SERPINB7: variants seen among roughly 807,000 people sequenced by gnomAD.
SERPINB7 encodes the protein serpin family B member 7.
Under a neutral mutation model 37.4 loss-of-function variants are expected in SERPINB7, and 31 were observed. The observed-to-expected ratio is 0.83, with a 90% CI of 0.62 to 1.12. The LOEUF (loss-of-function observed/expected upper bound fraction) is 1.12, where lower values mean the gene tolerates loss of function less well. Among genes scored for constraint, SERPINB7 ranks in the 50% most tolerant of loss-of-function variants. The pLI is 0.00. For synonymous variants in SERPINB7, 163 were observed against 166.1 expected (o/e 0.98, Z 0.14); for missense variants, 521 against 455.3 (o/e 1.14, Z -1.31).
intron 1 of SERPINB7, among the ~76,000 whole-genome samples, chr18:63,776,959 C>T (rs557735949): frequency 1.3e-5 from 2 of 152,114 alleles, no homozygotes; most frequent in African/African-American, 4.8e-5. Context: ...ATAGCATATT[C>T]ACCTTAGAGA....
intron 1 of SERPINB7, among the ~76,000 whole-genome samples, chr18:63,757,275 T>C (rs2049127700): frequency 6.6e-6 from 1 of 152,160 alleles, no homozygotes; most frequent in South Asian, 2.1e-4. Flanking sequence ...TCCTCTCTCA[T>C]CCATTATAAC....
chr18:63,797,835 C>T (rs545696449), intron 5 of SERPINB7, among the ~76,000 whole-genome samples: 1 of 152,298 alleles, frequency 6.6e-6, no homozygotes, highest in African/African-American at 2.4e-5. Context: ...CCCTTGCTTC[C>T]AATCTTGCCA....
chr18:63,754,625 C>T lies in SERPINB7; in HGVS notation c.-19+1505C>T, dbSNP rs376592480. Among the ~76,000 whole-genome samples the T allele has an allele frequency of 3.3e-4, 50 of 152,264 alleles. 1 individual carries two copies. The South Asian group carries it at 0.01, about 32-fold the overall frequency. On this transcript the variant is annotated intron_variant, in intron 1 of 7. Coordinates refer to the SERPINB7 transcript ENST00000336429. ...CAGGACACGCAGGTATCAGTCCCTC[C>T]CTTGGAGCCCCACCCTCCACCCAGC...
At chr18:63,759,925 C>A (rs557601656) in intron 1 of SERPINB7, among the ~76,000 whole-genome samples, 1 of 152,134 alleles carries the variant, frequency 6.6e-6, no homozygotes, top group Admixed American at 6.5e-5. Flanking sequence ...TCTTCCCAGT[C>A]TCAGGTATGT....
intron 1 of SERPINB7, among the ~76,000 whole-genome samples, chr18:63,780,445 C>T (rs2049290356): frequency 6.6e-6 from 1 of 152,056 alleles, no homozygotes; most frequent in South Asian, 2.1e-4. Context: ...CATTTGAGGG[C>T]CTTTAGCACT....
chr18:63,787,045 TTA>T (rs2049380766), intron 2 of SERPINB7, among the ~76,000 whole-genome samples: 1 of 152,208 alleles, frequency 6.6e-6, no homozygotes, highest in South Asian at 2.1e-4. Flanking sequence ...TGAAATTCAT[TTA>T]TGTTTCATAT....
chr18:63,792,655 G>C (rs532818514), intron 3 of SERPINB7, among the ~76,000 whole-genome samples: 4 of 152,206 alleles, frequency 2.6e-5, no homozygotes, highest in African/African-American at 9.6e-5. Context: ...ATGGTGGGAG[G>C]TTAGCTTAAA....
intron 1 of SERPINB7, among the ~76,000 whole-genome samples, chr18:63,754,779 G>A (rs1453501642): frequency 6.8e-6 from 1 of 147,956 alleles, no homozygotes; most frequent in East Asian, 2.1e-4. Context: ...TCACACTGTA[G>A]TCTGATTTTC....
intron 5 of SERPINB7, among the ~76,000 whole-genome samples, chr18:63,797,874 G>T (rs2144640718): frequency 6.6e-6 from 1 of 152,276 alleles, no homozygotes; most frequent in African/African-American, 2.4e-5. Flanking sequence ...AATACACCTT[G>T]CTCTTTCAGG....
intron 1 of SERPINB7, among the ~76,000 whole-genome samples, chr18:63,779,227 A>C (rs2049279043): frequency 2.0e-5 from 3 of 152,108 alleles, no homozygotes; most frequent in African/African-American, 7.2e-5. Context: ...TATCTATTTA[A>C]GTTGCTTTGA....
In SERPINB7 at chr18:63,796,284, G is replaced by A. The variant is rs908534450; in HGVS notation, c.355G>A (p.Glu119Lys). Residue 119 changes from glutamate (E) to lysine (K), a missense_variant, in exon 5 of 8, where the codon GAA becomes AAA. Coordinates refer to ENST00000398019, the MANE Select transcript of SERPINB7 (RefSeq NM_003784.4). Reference protein sequence around the residue: ...GFHKDYIECAEKLYDAKVERV... With the variant: ...GFHKDYIECAKKLYDAKVERV... ...TTTATAGGACTACATTGAGTGTGCC[G>A]AAAAATTATACGATGCCAAAGTGGA... 2.3e-5 allele frequency: 37 copies of A among 1,610,744 alleles called. No homozygotes were observed. The highest frequency in any genetic ancestry group is 1.7e-4 in the African/African-American group (13 of 74,802).
chr18:63,797,477 A>G (rs2049500601), intron 5 of SERPINB7, among the ~76,000 whole-genome samples: 1 of 152,196 alleles, frequency 6.6e-6, no homozygotes, highest in African/African-American at 2.4e-5. Context: ...AATATTTAAC[A>G]TAAGGGTGTC....
intron 2 of SERPINB7, among the ~76,000 whole-genome samples, chr18:63,785,017 T>C (rs1220524690): frequency 1.3e-5 from 2 of 152,346 alleles, no homozygotes; most frequent in East Asian, 3.9e-4. Context: ...TGGAGTTTGC[T>C]CTGTACTCTT....
chr18:63,761,667 A>G (rs577105915), intron 1 of SERPINB7, among the ~76,000 whole-genome samples: 13 of 152,218 alleles, frequency 8.5e-5, no homozygotes, highest in African/African-American at 3.1e-4. Flanking sequence ...TTCCTGTGCT[A>G]TTCTCGTGAT....
rs765031138 is a variant in SERPINB7, at chr18:63,792,400, A to G, written c.176A>G (p.His59Arg). 6.2e-6 allele frequency: 10 copies of G among 1,601,774 alleles called. No homozygotes were observed. Among genetic ancestry groups the G allele is most frequent in the Non-Finnish European group, 7.7e-6 (9 of 1,168,990 alleles). The change falls in exon 3 of 8, where the codon CAT (histidine) becomes CGT (arginine). Residue 59 changes from histidine to arginine, a missense_variant. Transcript: ENST00000398019. ...CTTGTGCCCTGTTTACAGTTGCTTC[A>G]TGTTAACACTGCCTCAGGATATGGA... ...DSLSQIDKLL[H>R]VNTASGYGNS...
intron 4 of SERPINB7, among the ~76,000 whole-genome samples, chr18:63,795,522 T>C (rs2049477393): frequency 1.3e-5 from 2 of 149,858 alleles, no homozygotes; most frequent in African/African-American, 4.9e-5. Context: ...CATCACGCCA[T>C]TGCACTCCAG....
intron 4 of SERPINB7, among the ~76,000 whole-genome samples, chr18:63,794,858 G>T (rs181348219): frequency 3.2e-4 from 48 of 152,296 alleles, no homozygotes; most frequent in African/African-American, 9.6e-4. Flanking sequence ...GTCTTATCCT[G>T]CAGATAGACA....
upstream of SERPINB7, among the ~76,000 whole-genome samples, chr18:63,773,888 T>A (rs1411035710): frequency 1.3e-5 from 2 of 152,160 alleles, no homozygotes; most frequent in South Asian, 4.1e-4. Context: ...TAATTATGGA[T>A]GACTCTTGGT....
chr18:63,791,839 T>C (rs12969263), intron 2 of SERPINB7, among the ~76,000 whole-genome samples: 2,236 of 152,312 alleles, frequency 0.015, 29 homozygotes, highest in Middle Eastern at 0.027. Flanking sequence ...CTCGATCTCC[T>C]GACCTCGTGA....
Sources: allele counts gnomAD v4.1 joint callset (sites outside exome capture counted in the v4.1 genomes callset), GRCh38; gene constraint gnomAD v4.1.1; transcripts MANE v1.5; gene names NCBI Gene and HGNC (gene_info 2026-07-23, HGNC 2026-07-21).